VPS54: variants seen among roughly 807,000 people sequenced by gnomAD.
The protein encoded by VPS54 is VPS54 subunit of GARP complex.
Under a neutral mutation model 121.5 loss-of-function variants are expected in VPS54, and 45 were observed. The observed-to-expected ratio is 0.37, with a 90% CI of 0.29 to 0.47. The LOEUF (loss-of-function observed/expected upper bound fraction) is 0.47. VPS54 is among the 20% of genes least tolerant of loss of function. The probability of loss-of-function intolerance (pLI) is 0.99; values close to 1 mark genes in which losing one functional copy is unlikely to be tolerated. For synonymous variants in VPS54, 371 were observed against 385.8 expected, an observed-to-expected ratio of 0.96 and a Z score of 0.45; for missense variants, 1,090 against 1,131.4, an observed-to-expected ratio of 0.96 and a Z score of 0.52.
intron 3 of VPS54, 44 bp downstream of exon 3, chr2:63,981,602 T>C: frequency 6.6e-7 from 1 of 1,511,822 alleles, no homozygotes; most frequent in Non-Finnish European, 8.8e-7. Context: ...AAAATATTTC[T>C]ATTACTTTTG....
chr2:63,894,531 G>C (rs1255031996), intron 22 of VPS54, among the ~76,000 whole-genome samples: 2 of 151,712 alleles, frequency 1.3e-5, no homozygotes, highest in Non-Finnish European at 2.9e-5. Flanking sequence ...GTGAGACCTC[G>C]TCTCTACAAA....
chr2:64,007,220 A>T (rs959137837), intron 1 of VPS54, among the ~76,000 whole-genome samples: 1 of 152,200 alleles, frequency 6.6e-6, no homozygotes, highest in Admixed American at 6.5e-5. Flanking sequence ...GGAAAGTGAT[A>T]ATGAAGCTAG....
At position 63,922,333 on chromosome 2, in the gene VPS54, G is replaced by T. The variant is rs536675562; in HGVS notation, c.1740-998C>A. On this transcript the variant is annotated intron_variant, in intron 12 of 22. Coordinates refer to ENST00000272322, the MANE Select transcript of VPS54 (RefSeq NM_016516.3). ...CTTAACCTCATTTTTCTCTCTTTCA[G>T]TTGAATTAAAATACTTTTCAAAGAT... 2.0e-5 allele frequency among the ~76,000 whole-genome samples: 3 copies of T among 152,228 alleles called. No homozygotes were observed. The South Asian group carries it at 6.2e-4, about 32-fold the overall frequency.
intron 1 of VPS54, 111 bp from the exon 2 acceptor site, chr2:63,984,130 G>A: frequency 1.1e-6 from 1 of 934,984 alleles, no homozygotes; most frequent in Non-Finnish European, 1.5e-6. Context: ...ATACCTCAAA[G>A]TAGGCAATTT....
At chr2:63,950,225 T>A (rs901563047) in intron 7 of VPS54, among the ~76,000 whole-genome samples, 1 of 152,212 alleles carries the variant, frequency 6.6e-6, no homozygotes, top group Non-Finnish European at 1.5e-5. Flanking sequence ...TCTTCACAAC[T>A]TTTTCTATAA....
At chr2:63,912,697 TAAAA>T in intron 18 of VPS54, 36 bp from the exon 19 acceptor site, 1 of 1,201,036 alleles carries the variant, frequency 8.3e-7, no homozygotes, top group Non-Finnish European at 1.1e-6. Flanking sequence ...AATGGAGAAA[TAAAA>T]AAAAAAAAGG....
At chr2:64,008,853 G>C (rs1290870171) in intron 1 of VPS54, among the ~76,000 whole-genome samples, 1 of 152,218 alleles carries the variant, frequency 6.6e-6, no homozygotes, top group African/African-American at 2.4e-5. Flanking sequence ...CAAATACAGT[G>C]AACACTATAC....
chr2:63,967,596 G>A (rs762260078), intron 5 of VPS54, among the ~76,000 whole-genome samples: 10 of 151,816 alleles, frequency 6.6e-5, no homozygotes, highest in Non-Finnish European at 1.3e-4. Context: ...GCAGGCGCCT[G>A]TAATCCCAGC....
Position 63,921,210 on chromosome 2 carries a change from G to C in VPS54, c.1865C>G (p.Ala622Gly), listed in dbSNP as rs140123674. The change falls in exon 13 of 23, where the codon GCA becomes GGA. Residue 622 changes from alanine to glycine, a missense_variant. Around this residue, in one of 2 missense-constraint regions of VPS54, gnomAD observed 801 missense variants for 757.0 expected, o/e 1.06. Transcript: ENST00000272322. ...AAGCTTTATGAAAATAGCTACCTTT[G>C]CTCTTGACATGAGAAATTTGACAGC... ...DRAVKFLMSR[A>G]KDGFLEKLNS... 27 of 1,606,410 alleles carry C rather than the reference G, an allele frequency of 1.7e-5. No individual in the cohort carries two copies. Among genetic ancestry groups the C allele is most frequent in the Non-Finnish European group, 2.2e-5 (26 of 1,176,186 alleles).
At chr2:63,999,531 T>G (rs1307983941) in intron 1 of VPS54, among the ~76,000 whole-genome samples, 11 of 151,970 alleles carry the variant, frequency 7.2e-5, no homozygotes, top group Admixed American at 7.2e-4. Flanking sequence ...TTTATCCTTG[T>G]CTTTGGGAAT....
intron 11 of VPS54, among the ~76,000 whole-genome samples, chr2:63,935,405 T>C (rs1247690301): frequency 2.0e-5 from 3 of 152,164 alleles, no homozygotes; most frequent in Admixed American, 6.5e-5. Flanking sequence ...TTCTTCTGTA[T>C]TGTCACAAAT....
intron 3 of VPS54, among the ~76,000 whole-genome samples, chr2:63,976,467 G>A (rs1048730550): frequency 5.3e-5 from 8 of 151,892 alleles, no homozygotes; most frequent in African/African-American, 1.9e-4. Context: ...AAATGCATTA[G>A]TAAGTATGTC....
At chr2:63,973,895 T>C (rs1034655789) in intron 3 of VPS54, among the ~76,000 whole-genome samples, 3 of 152,230 alleles carry the variant, frequency 2.0e-5, no homozygotes, top group Admixed American at 2.0e-4. Context: ...TCCCAGTCTT[T>C]GGCTTGTTTT....
intron 1 of VPS54, among the ~76,000 whole-genome samples, chr2:64,013,629 TATAA>T (rs1358828299): frequency 1.2e-4 from 17 of 146,262 alleles, no homozygotes; most frequent in East Asian, 3.9e-4. Flanking sequence ...AGCATTTATA[TATAA>T]ATATATATCA....
At chr2:64,011,226 CT>C (rs1335935348) in intron 1 of VPS54, among the ~76,000 whole-genome samples, 4 of 151,986 alleles carry the variant, frequency 2.6e-5, no homozygotes, top group African/African-American at 7.2e-5. Flanking sequence ...AAAGCAATGT[CT>C]TTTTTTCCCC....
intron 7 of VPS54, among the ~76,000 whole-genome samples, chr2:63,951,510 A>G (rs1675242628): frequency 6.6e-6 from 1 of 152,172 alleles, no homozygotes; most frequent in Admixed American, 6.5e-5. Flanking sequence ...TCAGCTCACC[A>G]CAGTAGCAAC....
intron 3 of VPS54, among the ~76,000 whole-genome samples, chr2:63,978,734 C>T (rs1245280183): frequency 6.6e-6 from 1 of 152,066 alleles, no homozygotes; most frequent in Non-Finnish European, 1.5e-5. Flanking sequence ...ATCCTTCTGC[C>T]TCAGCCTCCT....
At chr2:63,930,495 G>A (rs1162801462) in intron 12 of VPS54, among the ~76,000 whole-genome samples, 1 of 152,040 alleles carries the variant, frequency 6.6e-6, no homozygotes. Context: ...AATAAACTAG[G>A]TATTGATGGA....
At chr2:63,922,621 C>G (rs1033879025) in intron 12 of VPS54, among the ~76,000 whole-genome samples, 7 of 152,106 alleles carry the variant, frequency 4.6e-5, no homozygotes, top group African/African-American at 1.7e-4. Flanking sequence ...TTAAAGTGAC[C>G]TATCCAAGGT....
Sources: gnomAD v4.1 joint callset for allele counts (sites outside exome capture counted in the v4.1 genomes callset) on GRCh38, gnomAD v4.1.1 for gene constraint, gnomAD v4.1.1 regional missense constraint, MANE v1.5 for transcripts, NCBI Gene and HGNC (gene_info 2026-07-23, HGNC 2026-07-21) for gene names.